BCAS3: variants seen among roughly 807,000 people sequenced by gnomAD.
BCAS3 encodes BCAS4/BCAS3 fusion.
A neutral mutation model predicts 116.1 loss-of-function variants in BCAS3; 53 were observed. The observed-to-expected ratio is 0.46, with a 90% CI of 0.37 to 0.57. BCAS3 has a LOEUF of 0.57. Ranked by LOEUF, BCAS3 falls within the 20% of genes least tolerant of loss-of-function variation. The pLI is 0.00. For missense variants in BCAS3, 917 were observed against 1,165.4 expected, an observed-to-expected ratio of 0.79 and a Z score of 3.10; for synonymous variants, 391 against 408.2, an observed-to-expected ratio of 0.96 and a Z score of 0.51.
chr17:60,815,848 C>G (rs1001591784), intron 7 of BCAS3, among the ~76,000 whole-genome samples: 3 of 152,078 alleles, frequency 2.0e-5, no homozygotes, highest in Non-Finnish European at 4.4e-5. Flanking sequence ...TTTATCTTGC[C>G]CATCTTTATT....
rs771861639 is a variant in BCAS3 at position 61,095,756 on chromosome 17, C to T, written c.2425+11192C>T. 2.6e-5 allele frequency among the ~76,000 whole-genome samples: 4 copies of T among 151,966 alleles called. No individual in the cohort carries two copies. Among genetic ancestry groups the T allele is most frequent in the Middle Eastern group, 3.4e-3 (1 of 294 alleles). On this transcript the variant is annotated intron_variant, in intron 22 of 23. Transcript: ENST00000407086. This position sits in a 1 kb window ranked among gnomAD's most constrained non-coding sequence, Gnocchi z 4.7. ...TGCTGGGATTACAGGTATTAGCCAC[C>T]GCACCTGACTGGGGTCCTGAGTTTT...
rs1399263760 is a variant in BCAS3, at chr17:61,083,417, T to C, written c.2328-1050T>C. Among the ~76,000 whole-genome samples the C allele has an allele frequency of 6.6e-6, 1 of 152,158 alleles. No homozygotes were observed. Among genetic ancestry groups the C allele is most frequent in the Non-Finnish European group, 1.5e-5 (1 of 68,038 alleles). ...CAAGCAATTAATATTCAGTAAATAC[T>C]TACTGTATGAATGAATTACCAGAAA... On this transcript the variant is annotated intron_variant, in intron 21 of 23. Coordinates refer to ENST00000407086, the MANE Select transcript of BCAS3 (RefSeq NM_017679.5). The surrounding 1 kb of genome is among the most constrained non-coding windows in gnomAD (Gnocchi z 4.9).
At chr17:61,218,397 G>A (rs2081926187) in intron 22 of BCAS3, among the ~76,000 whole-genome samples, 1 of 152,314 alleles carries the variant, frequency 6.6e-6, no homozygotes, top group South Asian at 2.1e-4. Context: ...CTTAGAGCCA[G>A]GAAAAAGGAC....
Position 60,917,387 on chromosome 17 carries a change from A to G in BCAS3, c.993+6685A>G, listed in dbSNP as rs529206854. On this transcript the variant is annotated intron_variant, in intron 12 of 23. Coordinates refer to ENST00000407086, the MANE Select transcript of BCAS3 (RefSeq NM_017679.5). ...TTTGAATTTGCCTGTTTCTAGGTAT[A>G]TCACATAGTGCAATCCTACAGTATT... is the stretch of plus-strand genomic sequence containing the variant. 4.6e-5 allele frequency among the ~76,000 whole-genome samples: 7 copies of G among 152,264 alleles called. No homozygotes were observed. The East Asian group carries it at 1.2e-3, about 25-fold the overall frequency.
intron 6 of BCAS3, among the ~76,000 whole-genome samples, chr17:60,801,837 A>G (rs1338690292): frequency 1.3e-5 from 2 of 152,116 alleles, no homozygotes; most frequent in African/African-American, 4.8e-5. Context: ...GAATTATTTC[A>G]TGGGTGATTT....
At chr17:61,197,806 T>C (rs1381695015) in intron 22 of BCAS3, among the ~76,000 whole-genome samples, 1 of 152,238 alleles carries the variant, frequency 6.6e-6, no homozygotes, top group Non-Finnish European at 1.5e-5. Context: ...ATTTACTGTG[T>C]AATTGTATAA....
chr17:60,712,462 C>T (rs1319148310), intron 5 of BCAS3, among the ~76,000 whole-genome samples: 1 of 151,938 alleles, frequency 6.6e-6, no homozygotes, highest in African/African-American at 2.4e-5. Context: ...GGTTTATATA[C>T]ATATTATCTC....
At chr17:61,342,820 C>T (rs1026999137) in intron 22 of BCAS3, among the ~76,000 whole-genome samples, 2 of 149,688 alleles carry the variant, frequency 1.3e-5, no homozygotes, top group African/African-American at 4.9e-5. Context: ...GGTGGGATCT[C>T]GACTCTGTAA....
At chr17:60,922,903 CAG>C (rs1191207842) in intron 12 of BCAS3, among the ~76,000 whole-genome samples, 4 of 152,108 alleles carry the variant, frequency 2.6e-5, no homozygotes, top group Middle Eastern at 3.4e-3. Flanking sequence ...AAAATGAAAA[CAG>C]AACATATAAA....
At chr17:61,061,708 T>G (rs2070059706) in intron 19 of BCAS3, among the ~76,000 whole-genome samples, 1 of 152,204 alleles carries the variant, frequency 6.6e-6, no homozygotes, top group Non-Finnish European at 1.5e-5. Flanking sequence ...TGATTATTCC[T>G]GAAAGAAATG....
At chr17:61,114,979 A>G (rs1396847609) in intron 22 of BCAS3, among the ~76,000 whole-genome samples, 1 of 152,030 alleles carries the variant, frequency 6.6e-6, no homozygotes, top group Non-Finnish European at 1.5e-5. Context: ...GAGAAAAACA[A>G]GCAATGGGGA....
intron 19 of BCAS3, among the ~76,000 whole-genome samples, chr17:61,042,190 T>C (rs2067567642): frequency 6.6e-6 from 1 of 152,042 alleles, no homozygotes. Flanking sequence ...GAATATGATA[T>C]GAAATAAGAA....
chr17:60,874,761 T>G, intron 9 of BCAS3, 23 bp downstream of exon 9: 1 of 1,529,376 alleles, frequency 6.5e-7, no homozygotes, highest in Non-Finnish European at 9.0e-7. Context: ...TTTTTTTCCC[T>G]TCTTATGCCT....
rs746204904 is a variant in BCAS3, at chr17:61,222,371, T to A, written c.2425+137807T>A. 2.6e-5 allele frequency among the ~76,000 whole-genome samples: 4 copies of A among 152,196 alleles called. No homozygotes were observed. Among genetic ancestry groups the A allele is most frequent in the Admixed American group, 1.3e-4 (2 of 15,280 alleles). ...GTATGGTCTTGGTGTGGTCCTTCCT[T>A]TCTGGAGGCCTCAGTTTTCTCTGGA... is the stretch of plus-strand genomic sequence containing the variant. On this transcript the variant is annotated intron_variant, in intron 22 of 23. Coordinates refer to ENST00000407086, the MANE Select transcript of BCAS3 (RefSeq NM_017679.5). The surrounding 1 kb of genome is among the most constrained non-coding windows in gnomAD (Gnocchi z 6.1).
chr17:60,802,332 TTATA>T lies in BCAS3; in HGVS notation c.404-5669_404-5666del, dbSNP rs766707904. On this transcript the variant is annotated intron_variant, in intron 6 of 23. Transcript: ENST00000407086. The stretch of plus-strand genomic sequence containing the variant: ...TATATATATATGCACACACATATAT[TTATA>T]TAAATACAAATACACACACATACAT... Among the ~76,000 whole-genome samples, 516 of 143,124 alleles carry T rather than the reference TTATA, an allele frequency of 3.6e-3. 4 individuals carry two copies. Among genetic ancestry groups the T allele is most frequent in the Non-Finnish European group, 4.1e-3 (273 of 66,672 alleles). 93.9% of individuals were successfully genotyped at this position (143,124 alleles called of 152,430 possible). A position where few individuals can be genotyped will look rare whatever the true frequency, so the allele number is the denominator to read the frequency against.
intron 22 of BCAS3, among the ~76,000 whole-genome samples, chr17:61,096,336 G>A (rs767516424): frequency 1.3e-5 from 2 of 151,894 alleles, no homozygotes; most frequent in African/African-American, 2.4e-5. Flanking sequence ...ATACTTTTCT[G>A]TATAATAAAC....
At position 61,378,634 on chromosome 17, in the gene BCAS3, C is replaced by T. The variant is rs1317983828; in HGVS notation, c.2593+10140C>T. 1 of 152,352 alleles carries T rather than the reference C, an allele frequency of 6.6e-6. No homozygotes were observed. Among genetic ancestry groups the T allele is most frequent in the Non-Finnish European group, 1.5e-5 (1 of 68,146 alleles). The allele number at this position is 152,352 out of a possible 1,614,324, so 9.4% of individuals were successfully genotyped here. On this transcript the variant is annotated intron_variant, in intron 23 of 23. Coordinates refer to ENST00000407086, the MANE Select transcript of BCAS3 (RefSeq NM_017679.5). This position sits in a 1 kb window ranked among gnomAD's most constrained non-coding sequence, Gnocchi z 5.8. ...AACCACCAGCCTTCTCCCTGCCCAG[C>T]AACCAGCACTGGAAGGAGAGCCAGG...
intron 22 of BCAS3, among the ~76,000 whole-genome samples, chr17:61,173,318 G>A (rs1369082156): frequency 6.6e-6 from 1 of 151,898 alleles, no homozygotes. Flanking sequence ...GCATGGTGGT[G>A]CACACCTGTA....
rs922658400 is a variant in BCAS3, at chr17:61,200,141, T to C, written c.2425+115577T>C. 1.3e-5 allele frequency among the ~76,000 whole-genome samples: 2 copies of C among 152,210 alleles called. No individual in the cohort carries two copies. The highest frequency in any genetic ancestry group is 2.9e-5 in the Non-Finnish European group (2 of 68,032). ...TTTGAAGTTGCCCCCCTTCATTTCTTATCCTCTTTATAAAAAACAAAACAA... is the reference window on the plus strand; with the variant it reads ...TTTGAAGTTGCCCCCCTTCATTTCTCATCCTCTTTATAAAAAACAAAACAA... On this transcript the variant is annotated intron_variant, in intron 22 of 23. Coordinates refer to ENST00000407086, the MANE Select transcript of BCAS3 (RefSeq NM_017679.5). The surrounding 1 kb of genome is among the most constrained non-coding windows in gnomAD (Gnocchi z 5.1).
Sources: allele counts gnomAD v4.1 joint callset (sites outside exome capture counted in the v4.1 genomes callset), GRCh38; gene constraint gnomAD v4.1.1; non-coding constraint Gnocchi (gnomAD v3.1); transcripts MANE v1.5; gene names NCBI Gene and HGNC (gene_info 2026-07-23, HGNC 2026-07-21).